MAML1: variants seen among roughly 807,000 people sequenced by gnomAD.
The protein encoded by MAML1 is mastermind-like protein 1.
MAML1 carries 14 observed loss-of-function variants against 77.1 expected under a neutral mutation model. The ratio of observed to expected loss-of-function variants is 0.18; its 90% CI spans 0.12 to 0.28. The LOEUF (loss-of-function observed/expected upper bound fraction) is 0.28, where lower values mean the gene tolerates loss of function less well. MAML1 is among the 10% of genes least tolerant of loss of function. The pLI, the probability that MAML1 is intolerant of heterozygous loss-of-function variation, is 1.00. For synonymous variants in MAML1, 516 were observed against 551.9 expected, an observed-to-expected ratio of 0.93 and a Z score of 0.91; for missense variants, 1,217 against 1,327.8, an observed-to-expected ratio of 0.92 and a Z score of 1.30.
intron 1 of MAML1, among the ~76,000 whole-genome samples, chr5:179,742,471 A>C (rs550041791): frequency 2.0e-5 from 3 of 151,948 alleles, no homozygotes; most frequent in Non-Finnish European, 4.4e-5. Context: ...CCCAGGCGAC[A>C]GAGTGAGATT....
intron 1 of MAML1, among the ~76,000 whole-genome samples, chr5:179,746,585 C>G (rs1311882552): frequency 1.3e-5 from 2 of 151,990 alleles, no homozygotes; most frequent in Non-Finnish European, 2.9e-5. Flanking sequence ...GTTGGTCAGG[C>G]TGGTCTTGAA....
intron 1 of MAML1, among the ~76,000 whole-genome samples, chr5:179,755,325 A>G (rs1462907946): frequency 6.6e-6 from 1 of 152,158 alleles, no homozygotes; most frequent in Non-Finnish European, 1.5e-5. Context: ...GCAGTGGGGG[A>G]GGTGGGAAAG....
intron 1 of MAML1, among the ~76,000 whole-genome samples, chr5:179,741,423 G>A (rs923239846): frequency 1.3e-5 from 2 of 152,114 alleles, no homozygotes; most frequent in South Asian, 2.1e-4. Flanking sequence ...GGTGGCTCAC[G>A]CCTGTAATCC....
At chr5:179,750,072 C>A (rs1490417169) in intron 1 of MAML1, among the ~76,000 whole-genome samples, 1 of 152,254 alleles carries the variant, frequency 6.6e-6, no homozygotes, top group Non-Finnish European at 1.5e-5. Context: ...CCAGCAGGGG[C>A]AGTGCTGCCC....
chr5:179,765,190 C>A, intron 1 of MAML1, 136 bp from the exon 2 acceptor site: 1 of 691,884 alleles, frequency 1.4e-6, no homozygotes. Context: ...GGAGGTGTGT[C>A]CCCAGAAATG....
intron 4 of MAML1, among the ~76,000 whole-genome samples, chr5:179,773,555 C>T (rs779108021): frequency 2.6e-5 from 4 of 152,270 alleles, no homozygotes; most frequent in African/African-American, 7.2e-5. Flanking sequence ...AACTTTGCCT[C>T]CCAGAGGCGG....
intron 1 of MAML1, among the ~76,000 whole-genome samples, chr5:179,761,956 T>A (rs939842603): frequency 6.6e-6 from 1 of 152,014 alleles, no homozygotes; most frequent in African/African-American, 2.4e-5. Context: ...CTGGTGGAGT[T>A]TGGCTGACAG....
rs2113382346 is a variant in MAML1 at position 179,771,397 on chromosome 5, C to T, written c.2068+154C>T. ...CAGTTTGCCTAAGGGGCCTGGTTTTCTAGTTACTCCACGGCATCAGGAGAA... is the reference window on the plus strand; with the variant it reads ...CAGTTTGCCTAAGGGGCCTGGTTTTTTAGTTACTCCACGGCATCAGGAGAA... On this transcript the variant is annotated intron_variant, in intron 4 of 4. Transcript: ENST00000292599. This position sits in a 1 kb window ranked among gnomAD's most constrained non-coding sequence, Gnocchi z 4.7. Among the ~76,000 whole-genome samples the T allele has an allele frequency of 6.6e-6, 1 of 152,308 alleles. No homozygotes were observed. Among genetic ancestry groups the T allele is most frequent in the South Asian group, 2.1e-4 (1 of 4,828 alleles).
Position 179,773,904 on chromosome 5 carries a change from C to A in MAML1, c.2078C>A (p.Ala693Asp). The A allele has an allele frequency of 1.2e-6, 2 of 1,612,806 alleles. No homozygotes were observed. The highest frequency in any genetic ancestry group is 8.5e-7 in the Non-Finnish European group (1 of 1,178,986). Residue 693 changes from alanine to aspartate, a missense_variant, in exon 5 of 5, where the codon GCT becomes GAT. This residue lies in a region of MAML1 where 884 missense variants were observed against 949.3 expected (regional missense o/e 0.93). Transcript: ENST00000292599. ...CTTCTCTGTCTTGTAGGGTCCTCTG[C>A]TGCCGTGCCCGGCATGAACACCTTG... is the stretch of plus-strand genomic sequence containing the variant. Reference protein sequence around the residue: ...QQVGQFTGSSAAVPGMNTLGP... With the variant: ...QQVGQFTGSSDAVPGMNTLGP...
Position 179,769,238 on chromosome 5 carries a change from TC to T in MAML1, c.1971+151del. On this transcript the variant is annotated intron_variant, in intron 3 of 4. Coordinates refer to ENST00000292599, the MANE Select transcript of MAML1 (RefSeq NM_014757.5). The surrounding 1 kb of genome is among the most constrained non-coding windows in gnomAD (Gnocchi z 4.2). ...GTGCTTTGCCTTTTAAAAACATCTT[TC>T]CAGGAATGTGGCATTTCTCAGACAG... is the stretch of plus-strand genomic sequence containing the variant. The T allele has an allele frequency of 8.5e-7, 1 of 1,175,610 alleles. No homozygotes were observed. The highest frequency in any genetic ancestry group is 1.5e-5 in the South Asian group (1 of 64,556). 72.8% of individuals were successfully genotyped at this position (1,175,610 alleles called of 1,614,324 possible).
At chr5:179,759,255 C>T (rs1315622689) in intron 1 of MAML1, among the ~76,000 whole-genome samples, 1 of 152,124 alleles carries the variant, frequency 6.6e-6, no homozygotes, top group Non-Finnish European at 1.5e-5. Context: ...GCAGCAGACC[C>T]CAGCATTCAG....
At position 179,733,073 on chromosome 5, in the gene MAML1, G is replaced by T. The variant is rs1432310024; in HGVS notation, c.-40G>T. 3 of 1,217,838 alleles carry T rather than the reference G, an allele frequency of 2.5e-6. No homozygotes were observed. The highest frequency in any genetic ancestry group is 3.1e-6 in the Non-Finnish European group (3 of 966,620). The allele number at this position is 1,217,838 out of a possible 1,614,324, so 75.4% of individuals were successfully genotyped here. ...AGCCCGCAGTGCCAGCCGGCCCCGA[G>T]AGGCCCGGCCCCGGGCCCGGCCCGT... On this transcript the variant is annotated 5_prime_UTR_variant, in exon 1 of 5. Coordinates refer to ENST00000292599, the MANE Select transcript of MAML1 (RefSeq NM_014757.5).
intron 1 of MAML1, among the ~76,000 whole-genome samples, chr5:179,746,804 C>T (rs917609029): frequency 1.3e-5 from 2 of 152,172 alleles, no homozygotes; most frequent in African/African-American, 4.8e-5. Flanking sequence ...GAATTAGAAA[C>T]CATCCGACTT....
At chr5:179,741,964 C>G (rs552578108) in intron 1 of MAML1, among the ~76,000 whole-genome samples, 2 of 151,842 alleles carry the variant, frequency 1.3e-5, no homozygotes, top group South Asian at 4.2e-4. Context: ...GTGGGGTGAT[C>G]TCGGCTCACT....
At chr5:179,757,396 C>T (rs898026722) in intron 1 of MAML1, among the ~76,000 whole-genome samples, 5 of 151,902 alleles carry the variant, frequency 3.3e-5, no homozygotes, top group Non-Finnish European at 7.4e-5. Context: ...GGTGAAACCC[C>T]GTCTCTACTA....
chr5:179,766,638 T>G lies in MAML1; in HGVS notation c.1628T>G (p.Leu543Arg). Residue 543 changes from leucine to arginine, a missense_variant, in exon 2 of 5, where the codon CTT becomes CGT. Around this residue, in one of 3 missense-constraint regions of MAML1, gnomAD observed 884 missense variants for 949.3 expected, o/e 0.93. Coordinates refer to ENST00000292599, the MANE Select transcript of MAML1 (RefSeq NM_014757.5). This position sits in a 1 kb window ranked among gnomAD's most constrained non-coding sequence, Gnocchi z 4.0. The stretch of plus-strand genomic sequence containing the variant: ...AGCAAGCCAGCCCTGATGGCTTATC[T>G]TCCCCAGCAGCTGTCCCATATAAGT... ...GQSKPALMAY[L>R]PQQLSHISHE... The G allele has an allele frequency of 6.2e-7, 1 of 1,612,666 alleles. No homozygotes were observed. The highest frequency in any genetic ancestry group is 8.5e-7 in the Non-Finnish European group (1 of 1,179,022).
chr5:179,734,888 TC>T (rs1426450723), intron 1 of MAML1, among the ~76,000 whole-genome samples: 1 of 152,190 alleles, frequency 6.6e-6, no homozygotes, highest in East Asian at 1.9e-4. Context: ...CCTAGGCTGG[TC>T]TTGAACTCCT....
chr5:179,766,865 C>A lies in MAML1; in HGVS notation c.1731+124C>A. 1 of 711,032 alleles carries A rather than the reference C, an allele frequency of 1.4e-6. No individual in the cohort carries two copies. The highest frequency in any genetic ancestry group is 2.2e-6 in the Non-Finnish European group (1 of 459,774). The allele number at this position is 711,032 out of a possible 1,614,324, so 44.0% of individuals were successfully genotyped here. On this transcript the variant is annotated intron_variant, in intron 2 of 4. Transcript: ENST00000292599. This position sits in a 1 kb window ranked among gnomAD's most constrained non-coding sequence, Gnocchi z 4.0. ...AGAGGGAGGAGGGAATAGCTGCTGT[C>A]ATCCTTGCTCCTCTTGGGAGTGGAA...
Position 179,774,101 on chromosome 5 carries a change from A to C in MAML1, c.2275A>C (p.Met759Leu). 6.2e-7 allele frequency: 1 copy of C among 1,613,844 alleles called. No individual in the cohort carries two copies. The highest frequency in any genetic ancestry group is 8.5e-7 in the Non-Finnish European group (1 of 1,180,012). ...CATGCCTCAGAGCAGCCTCTATGGC[A>C]TGGCTTCTGGCATAACCCAGATAGT... The part of the protein sequence containing the change: ...QNMPQSSLYG[M>L]ASGITQIVAQ... Residue 759 changes from methionine (M) to leucine (L), a missense_variant, in exon 5 of 5, where the codon ATG (methionine) becomes CTG (leucine). Coordinates refer to ENST00000292599, the MANE Select transcript of MAML1 (RefSeq NM_014757.5).
Sources: allele counts gnomAD v4.1 joint callset (sites outside exome capture counted in the v4.1 genomes callset), GRCh38; gene constraint gnomAD v4.1.1; regional missense constraint gnomAD v4.1.1; non-coding constraint Gnocchi (gnomAD v3.1); transcripts MANE v1.5; gene names NCBI Gene and HGNC (gene_info 2026-07-23, HGNC 2026-07-21).